Variants in DHRS7C observed in about 807,000 individuals in gnomAD.
The protein encoded by DHRS7C is dehydrogenase/reductase 7C, also known as dehydrogenase/reductase SDR family member 7C.
DHRS7C carries 28 observed loss-of-function variants against 29.6 expected under a neutral mutation model. The observed-to-expected ratio is 0.95, with a 90% CI of 0.70 to 1.30. The LOEUF is 1.30. Ranked by LOEUF, DHRS7C falls within the 50% of genes most tolerant of loss-of-function variation. The pLI, the probability that DHRS7C is intolerant of heterozygous loss-of-function variation, is 0.00. For synonymous variants in DHRS7C, 158 were observed against 160.2 expected, an observed-to-expected ratio of 0.99 and a Z score of 0.10; for missense variants, 403 against 393.3, an observed-to-expected ratio of 1.02 and a Z score of -0.21.
At chr17:9,773,165 C>T (rs1161624756) in intron 4 of DHRS7C, among the ~76,000 whole-genome samples, 1 of 152,180 alleles carries the variant, frequency 6.6e-6, no homozygotes, top group African/African-American at 2.4e-5. Flanking sequence ...GTGGGCAAAT[C>T]ACTTTGCCTC....
chr17:9,791,209 C>T lies in DHRS7C; in HGVS notation c.76G>A (p.Val26Met). 6.2e-7 allele frequency: 1 copy of T among 1,613,724 alleles called. No homozygotes were observed. The highest frequency in any genetic ancestry group is 8.5e-7 in the Non-Finnish European group (1 of 1,179,836). The change falls in exon 1 of 6, where the codon GTG (valine) becomes ATG (methionine). Residue 26 changes from valine to methionine, a missense_variant. Coordinates refer to ENST00000571134, the MANE Select transcript of DHRS7C (RefSeq NM_001105571.3). Reference protein sequence around the residue: ...ISGLLFIYQEVSRLWSKSAVQ... With the variant: ...ISGLLFIYQEMSRLWSKSAVQ... ...GCTGACTTTGACCACAGCCTGGACA[C>T]CTCTTGGTAAATGAAGAGGAGGCCG...
chr17:9,791,062 C>T, intron 1 of DHRS7C, 69 bp downstream of exon 1: 1 of 1,532,708 alleles, frequency 6.5e-7, no homozygotes, highest in Non-Finnish European at 8.8e-7. Context: ...CCCTGCCGCC[C>T]TGCCACCCTG....
At position 9,778,846 on chromosome 17, in the gene DHRS7C, G is replaced by A. The variant is rs1466860884; in HGVS notation, c.478+979C>T. 3.3e-5 allele frequency among the ~76,000 whole-genome samples: 5 copies of A among 152,262 alleles called. No homozygotes were observed. In the South Asian group the frequency reaches 6.2e-4, roughly 19 times the overall value. Reference sequence around the variant, plus strand: ...GACACCCCACTCCCTAAATGGAGGCGTTCTCCACATTACATTCCCCCTGAG... The same window carrying A: ...GACACCCCACTCCCTAAATGGAGGCATTCTCCACATTACATTCCCCCTGAG... On this transcript the variant is annotated intron_variant, in intron 3 of 5. Transcript: ENST00000571134.
chr17:9,787,422 G>A (rs1241913770), intron 1 of DHRS7C, among the ~76,000 whole-genome samples: 1 of 152,188 alleles, frequency 6.6e-6, no homozygotes, highest in Non-Finnish European at 1.5e-5. Flanking sequence ...GGAGGCTGGA[G>A]CCCAGTGGCG....
At chr17:9,782,677 C>G (rs1567702641) in intron 1 of DHRS7C, among the ~76,000 whole-genome samples, 1 of 152,206 alleles carries the variant, frequency 6.6e-6, no homozygotes. Flanking sequence ...CCATTTGCAG[C>G]CAACTCTTAC....
chr17:9,791,420 G>T lies in DHRS7C; in HGVS notation c.-136C>A. Reference sequence around the variant, plus strand: ...AAGCCTCCAAGCTGAACACCCAGTGGGCGTGCTAATCCCCAAATGTTCAAC... The same window carrying T: ...AAGCCTCCAAGCTGAACACCCAGTGTGCGTGCTAATCCCCAAATGTTCAAC... On this transcript the variant is annotated 5_prime_UTR_variant, in exon 1 of 6. Transcript: ENST00000571134. 3.2e-6 allele frequency: 3 copies of T among 928,776 alleles called. No individual in the cohort carries two copies. Among genetic ancestry groups the T allele is most frequent in the South Asian group, 1.9e-5 (1 of 51,334 alleles). 57.5% of individuals were successfully genotyped at this position (928,776 alleles called of 1,614,324 possible). A position where few individuals can be genotyped will look rare whatever the true frequency, so the allele number is the denominator to read the frequency against.
At chr17:9,772,587 G>C (rs547988985) in intron 5 of DHRS7C, among the ~76,000 whole-genome samples, 180 bp downstream of exon 5, 1 of 152,282 alleles carries the variant, frequency 6.6e-6, no homozygotes, top group Admixed American at 6.5e-5. Flanking sequence ...CTGTCTACCG[G>C]GTGCCTCAGG....
In DHRS7C at chr17:9,771,493, C is replaced by A; in HGVS notation, c.931G>T (p.Gly311Trp). The change falls in exon 6 of 6, where the codon GGG (glycine) becomes TGG (tryptophan). Residue 311 changes from glycine to tryptophan, a missense_variant. Coordinates refer to ENST00000571134, the MANE Select transcript of DHRS7C (RefSeq NM_001105571.3). ...VKEKLNVPEE[G>W] ...GCCCATTTGGCCTCCTGCAGTTACC[C>A]CTCCTCCGGGACATTGAGCTTCTCC... The A allele has an allele frequency of 6.6e-7, 1 of 1,522,208 alleles. No individual in the cohort carries two copies. 94.3% of individuals were successfully genotyped at this position (1,522,208 alleles called of 1,614,324 possible).
chr17:9,786,786 C>T (rs970502035), intron 1 of DHRS7C, among the ~76,000 whole-genome samples: 2 of 152,028 alleles, frequency 1.3e-5, no homozygotes, highest in African/African-American at 4.8e-5. Flanking sequence ...CACAGTTGGC[C>T]AGCAGGGAAG....
chr17:9,777,332 G>A, intron 3 of DHRS7C, 47 bp from the exon 4 acceptor site: 2 of 1,552,124 alleles, frequency 1.3e-6, no homozygotes, highest in Non-Finnish European at 1.8e-6. Flanking sequence ...TTGAGACTGA[G>A]TTAGGCAGCA....
chr17:9,782,428 G>A (rs1023697696), intron 1 of DHRS7C, among the ~76,000 whole-genome samples: 2 of 152,120 alleles, frequency 1.3e-5, no homozygotes, highest in Non-Finnish European at 2.9e-5. Flanking sequence ...GAGAGGATGT[G>A]GTCTCAGGAA....
At chr17:9,788,216 T>A (rs900784640) in intron 1 of DHRS7C, among the ~76,000 whole-genome samples, 1 of 151,916 alleles carries the variant, frequency 6.6e-6, no homozygotes, top group Non-Finnish European at 1.5e-5. Flanking sequence ...ATAAATAAAT[T>A]AATTTTTTGA....
At chr17:9,779,690 C>T in intron 3 of DHRS7C, 135 bp downstream of exon 3, 5 of 851,484 alleles carry the variant, frequency 5.9e-6, no homozygotes, top group Non-Finnish European at 8.9e-6. Flanking sequence ...TGAAAGCTTT[C>T]ACCCAATAGG....
chr17:9,784,471 C>CA (rs1406807382), intron 1 of DHRS7C, among the ~76,000 whole-genome samples: 2 of 151,360 alleles, frequency 1.3e-5, no homozygotes, highest in Non-Finnish European at 2.9e-5. Context: ...GACTCCATCT[C>CA]AAAAAAACAA....
rs1230807523 is a variant in DHRS7C, at chr17:9,774,055, G to A, written c.572-1133C>T. Reference sequence around the variant, plus strand: ...GCACTTTAAACGGATACATTGTGCGGTATGTGAATTACACAGCCAATACAA... The same window carrying A: ...GCACTTTAAACGGATACATTGTGCGATATGTGAATTACACAGCCAATACAA... On this transcript the variant is annotated intron_variant, in intron 4 of 5. Transcript: ENST00000571134. This position sits in a 1 kb window ranked among gnomAD's most constrained non-coding sequence, Gnocchi z 5.0. 6.6e-6 allele frequency among the ~76,000 whole-genome samples: 1 copy of A among 152,170 alleles called. No individual in the cohort carries two copies. Among genetic ancestry groups the A allele is most frequent in the African/African-American group, 2.4e-5 (1 of 41,448 alleles).
In DHRS7C at chr17:9,771,530, G is replaced by A; in HGVS notation, c.894C>T (p.Ala298=). The A allele has an allele frequency of 6.3e-7, 1 of 1,583,490 alleles. No individual in the cohort carries two copies. Among genetic ancestry groups the A allele is most frequent in the Non-Finnish European group, 8.6e-7 (1 of 1,161,950 alleles). The part of the protein sequence containing the change: ...FFPEFFFAVV[A]CGVKEKLNVP... Reference sequence around the variant, plus strand: ...CATTGAGCTTCTCCTTCACCCCACAGGCCACCACGGCGAAAAAGAACTCCG... The same window carrying A: ...CATTGAGCTTCTCCTTCACCCCACAAGCCACCACGGCGAAAAAGAACTCCG... The change falls in exon 6 of 6, where the codon GCC becomes GCT. Residue 298 remains alanine (A), a synonymous_variant. Coordinates refer to ENST00000571134, the MANE Select transcript of DHRS7C (RefSeq NM_001105571.3).
chr17:9,787,007 G>A (rs1245998219), intron 1 of DHRS7C, among the ~76,000 whole-genome samples: 1 of 151,920 alleles, frequency 6.6e-6, no homozygotes, highest in Non-Finnish European at 1.5e-5. Context: ...GTGCAGTGGC[G>A]TGATCTCAGC....
intron 1 of DHRS7C, among the ~76,000 whole-genome samples, chr17:9,787,102 T>G (rs1295697637): frequency 6.6e-6 from 1 of 152,106 alleles, no homozygotes; most frequent in East Asian, 1.9e-4. Context: ...TCCACCATCA[T>G]GCCCAGCTAA....
intron 3 of DHRS7C, among the ~76,000 whole-genome samples, chr17:9,778,394 C>CA (rs60847065): frequency 0.043 from 3,583 of 82,468 alleles, 92 homozygotes; most frequent in African/African-American, 0.11. Flanking sequence ...GACTCCGTCT[C>CA]AAAAAAAAAA....
Sources: gnomAD v4.1 joint callset for allele counts (sites outside exome capture counted in the v4.1 genomes callset) on GRCh38, gnomAD v4.1.1 for gene constraint, Gnocchi (gnomAD v3.1) non-coding constraint, MANE v1.5 for transcripts, NCBI Gene and HGNC (gene_info 2026-07-23, HGNC 2026-07-21) for gene names.